The following LTBR variants were observed in gnomAD, a reference collection of about 807,000 sequenced individuals.
The protein encoded by LTBR is tumor necrosis factor receptor superfamily member 3.
A neutral mutation model predicts 45.4 loss-of-function variants in LTBR; 15 were observed. The observed-to-expected ratio is 0.33, with a 90% CI of 0.22 to 0.51. LTBR has a LOEUF of 0.51. Among genes scored for constraint, LTBR ranks in the 20% least tolerant of loss-of-function variants. The pLI is 0.97. For synonymous variants in LTBR, 228 were observed against 231.0 expected, an observed-to-expected ratio of 0.99 and a Z score of 0.12; for missense variants, 450 against 565.5, an observed-to-expected ratio of 0.80 and a Z score of 2.07.
At chr12:6,377,320 A>C (rs919120739) in intron 1 of LTBR, 48 of 1,457,504 alleles carry the variant, frequency 3.3e-5, no homozygotes, top group Non-Finnish European at 7.5e-6. Flanking sequence ...CCTAATGAAG[A>C]AACTGACCCT....
chr12:6,391,048 G>T lies in LTBR; in HGVS notation c.*111G>T. The T allele has an allele frequency of 1.7e-6, 2 of 1,183,558 alleles. No individual in the cohort carries two copies. Among genetic ancestry groups the T allele is most frequent in the Non-Finnish European group, 2.3e-6 (2 of 872,748 alleles). 73.3% of individuals were successfully genotyped at this position (1,183,558 alleles called of 1,614,324 possible). A position where few individuals can be genotyped will look rare whatever the true frequency, so the allele number is the denominator to read the frequency against. On this transcript the variant is annotated 3_prime_UTR_variant, in exon 10 of 10. Transcript: ENST00000228918. ...CCTGAGTAGGGCCCGGGGAAGCAGA[G>T]CCCTAAGGGATTAAGGCTCAGACAC... is the stretch of plus-strand genomic sequence containing the variant.
chr12:6,383,674 G>A (rs1013674594), upstream of LTBR, among the ~76,000 whole-genome samples: 1 of 152,196 alleles, frequency 6.6e-6, no homozygotes, highest in African/African-American at 2.4e-5. Flanking sequence ...TGGCTGATTT[G>A]CTAGTCCCTT....
rs1416474147 is a variant in LTBR, at chr12:6,390,316, G to A, written c.1006G>A (p.Gly336Arg). ...GACCAGGGAGCCGCAGTTGGAACCC[G>A]GGGAGCAGAGCCAGGTGGCCCACGG... The part of the protein sequence containing the change: ...DLTREPQLEP[G>R]EQSQVAHGTN... The change falls in exon 9 of 10, where the codon GGG (glycine) becomes AGG (arginine). Residue 336 changes from glycine to arginine, a missense_variant. Physicochemically the swap from Gly to Arg is moderately radical, Grantham distance 125. Transcript: ENST00000228918. The A allele has an allele frequency of 5.0e-6, 8 of 1,608,296 alleles. No homozygotes were observed. Among genetic ancestry groups the A allele is most frequent in the Non-Finnish European group, 5.1e-6 (6 of 1,176,616 alleles).
chr12:6,375,612 A>C, intron 1 of LTBR: 1 of 781,776 alleles, frequency 1.3e-6, no homozygotes, highest in Non-Finnish European at 2.0e-6. Context: ...GGGCGGGGGG[A>C]GGGGCTGAGG....
At chr12:6,378,605 C>T (rs1948944057) in intron 1 of LTBR, among the ~76,000 whole-genome samples, 1 of 152,134 alleles carries the variant, frequency 6.6e-6, no homozygotes, top group Admixed American at 6.6e-5. Flanking sequence ...TGCATCTAGC[C>T]CCCTGCTTCA....
At chr12:6,387,751 C>A in intron 6 of LTBR, 1 of 391,514 alleles carries the variant, frequency 2.6e-6, no homozygotes, top group Non-Finnish European at 5.2e-6. Context: ...CTACAGATCA[C>A]AGCTGGAGAA....
chr12:6,386,511 A>T lies in LTBR; in HGVS notation c.667+67A>T, dbSNP rs1461727527. Reference sequence around the variant, plus strand: ...AAAATGCCTTAATGCTCCACATCTTAAAAAAAATGGGGAAAAGATGAACAC... The same window carrying T: ...AAAATGCCTTAATGCTCCACATCTTTAAAAAAATGGGGAAAAGATGAACAC... On this transcript the variant is annotated intron_variant, in intron 6 of 9. Transcript: ENST00000228918. The surrounding 1 kb of genome is among the most constrained non-coding windows in gnomAD (Gnocchi z 4.1). 17 of 1,188,268 alleles carry T rather than the reference A, an allele frequency of 1.4e-5. No homozygotes were observed. Among genetic ancestry groups the T allele is most frequent in the South Asian group, 1.1e-4 (8 of 75,470 alleles). 73.6% of individuals were successfully genotyped at this position (1,188,268 alleles called of 1,614,324 possible).
Position 6,388,759 on chromosome 12 carries a change from GC to G in LTBR, c.776-39del, listed in dbSNP as rs1307664989. 6.2e-7 allele frequency: 1 copy of G among 1,613,706 alleles called. No homozygotes were observed. Among genetic ancestry groups the G allele is most frequent in the South Asian group, 1.1e-5 (1 of 91,036 alleles). On this transcript the variant is annotated intron_variant, in intron 7 of 9. Coordinates refer to ENST00000228918, the MANE Select transcript of LTBR (RefSeq NM_002342.3). The surrounding 1 kb of genome is among the most constrained non-coding windows in gnomAD (Gnocchi z 4.3). ...TGGAGGCTGAAAGGCTAGGTCTGAG[GC>G]CTGCCGGGGAGCCTACACCCATTTC...
Position 6,388,860 on chromosome 12 carries a change from G to A in LTBR, c.801+35G>A. On this transcript the variant is annotated intron_variant, in intron 8 of 9. Coordinates refer to ENST00000228918, the MANE Select transcript of LTBR (RefSeq NM_002342.3). The surrounding 1 kb of genome is among the most constrained non-coding windows in gnomAD (Gnocchi z 4.3). Reference sequence around the variant, plus strand: ...GGGGCTGAGAAGGCAGCAAGAAGGGGAAGAGGTGATGAGGGTACAAGGTGG... The same window carrying A: ...GGGGCTGAGAAGGCAGCAAGAAGGGAAAGAGGTGATGAGGGTACAAGGTGG... 3 of 1,613,648 alleles carry A rather than the reference G, an allele frequency of 1.9e-6. No individual in the cohort carries two copies. Among genetic ancestry groups the A allele is most frequent in the Non-Finnish European group, 2.5e-6 (3 of 1,179,784 alleles).
chr12:6,390,183 A>T lies in LTBR; in HGVS notation c.873A>T (p.Val291=). The change falls in exon 9 of 10, where the codon GTA becomes GTT. Residue 291 remains valine (V), a synonymous_variant. Transcript: ENST00000228918. ...CCCATCCATACTTCCCTGACTTGGT[A>T]CAGCCACTGCTACCCATTTCTGGAG... ...PKAHPYFPDL[V]QPLLPISGDV... 1 of 1,614,090 alleles carries T rather than the reference A, an allele frequency of 6.2e-7. No homozygotes were observed. The highest frequency in any genetic ancestry group is 1.1e-5 in the South Asian group (1 of 91,074).
In LTBR at chr12:6,390,234, C is replaced by T. The variant is rs770323197; in HGVS notation, c.924C>T (p.Leu308=). ...ATGTTTCCCCAGTATCCACTGGGCT[C>T]CCCGCAGCCCCAGTTTTGGAGGCAG... ...SGDVSPVSTG[L]PAAPVLEAGV... is the part of the protein sequence containing the mutation. Residue 308 remains leucine, a synonymous_variant, in exon 9 of 10, where the codon CTC becomes CTT. Coordinates refer to ENST00000228918, the MANE Select transcript of LTBR (RefSeq NM_002342.3). The T allele has an allele frequency of 1.2e-6, 2 of 1,613,938 alleles. No homozygotes were observed. Among genetic ancestry groups the T allele is most frequent in the Admixed American group, 1.7e-5 (1 of 60,014 alleles).
At chr12:6,380,948 C>A (rs1490013672), upstream of LTBR, among the ~76,000 whole-genome samples, 2 of 152,144 alleles carry the variant, frequency 1.3e-5, no homozygotes, top group African/African-American at 2.4e-5. Context: ...CAATGCCCTG[C>A]CCGCGGTGAA....
At chr12:6,376,752 G>C (rs1245446150) in intron 1 of LTBR, among the ~76,000 whole-genome samples, 2 of 152,110 alleles carry the variant, frequency 1.3e-5, no homozygotes, top group Non-Finnish European at 2.9e-5. Context: ...CCTGCACGCG[G>C]CAGGGAAGGC....
At position 6,388,328 on chromosome 12, in the gene LTBR, C is replaced by G; in HGVS notation, c.668-70C>G. On this transcript the variant is annotated intron_variant, in intron 6 of 9. Transcript: ENST00000228918. The surrounding 1 kb of genome is among the most constrained non-coding windows in gnomAD (Gnocchi z 4.3). ...CTGGGTTGCCCAGGGATCTGGAAAG[C>G]TCTTCCTTCTCCTCCTCCCCTCTGC... 3.4e-6 allele frequency: 4 copies of G among 1,180,276 alleles called. No homozygotes were observed. The highest frequency in any genetic ancestry group is 1.5e-5 in the African/African-American group (1 of 66,650). The allele number at this position is 1,180,276 out of a possible 1,614,324, so 73.1% of individuals were successfully genotyped here.
chr12:6,384,213 G>C lies in LTBR; in HGVS notation c.-146G>C, dbSNP rs1592097422. On this transcript the variant is annotated 5_prime_UTR_variant, in exon 1 of 10. Transcript: ENST00000228918. ...GGAGCCCTGGAGGCCCGGCCTGGCC[G>C]CTCCCGGCCCTGGGGTGCACATCGG... is the stretch of plus-strand genomic sequence containing the variant. 8 of 1,317,670 alleles carry C rather than the reference G, an allele frequency of 6.1e-6. No homozygotes were observed. In the East Asian group the frequency reaches 2.4e-4, roughly 40 times the overall value. 81.6% of individuals were successfully genotyped at this position (1,317,670 alleles called of 1,614,324 possible). A position where few individuals can be genotyped will look rare whatever the true frequency, so the allele number is the denominator to read the frequency against.
At position 6,388,697 on chromosome 12, in the gene LTBR, C is replaced by G. The variant is rs1949076650; in HGVS notation, c.776-103C>G. ...TGACAGTGGCTTGTTCCTCTGGGCC[C>G]CCGGGTGGTCAAGTTGCTACACATT... On this transcript the variant is annotated intron_variant, in intron 7 of 9. Transcript: ENST00000228918. This position sits in a 1 kb window ranked among gnomAD's most constrained non-coding sequence, Gnocchi z 4.3. 4.2e-6 allele frequency: 6 copies of G among 1,428,718 alleles called. No homozygotes were observed. The South Asian group carries it at 5.8e-5, about 14-fold the overall frequency. 88.5% of individuals were successfully genotyped at this position (1,428,718 alleles called of 1,614,324 possible).
In LTBR at chr12:6,390,152, C is replaced by T. The variant is rs757842062; in HGVS notation, c.842C>T (p.Pro281Leu). Residue 281 changes from proline to leucine, a missense_variant, in exon 9 of 10, where the codon CCG becomes CTG. Pro to Leu is a moderately conservative substitution (Grantham distance 98, BLOSUM62 -3). Around this residue, in one of 3 missense-constraint regions of LTBR, gnomAD observed 367 missense variants for 435.4 expected, o/e 0.84. Transcript: ENST00000228918. ...PNPVAGSWEP[P>L]KAHPYFPDLV... ...CCTGTAGCTGGAAGCTGGGAGCCTC[C>T]GAAGGCCCATCCATACTTCCCTGAC... 5.0e-6 allele frequency: 8 copies of T among 1,613,976 alleles called. No individual in the cohort carries two copies. Among genetic ancestry groups the T allele is most frequent in the South Asian group, 3.3e-5 (3 of 91,068 alleles).
intron 3 of LTBR, 34 bp downstream of exon 3, chr12:6,385,181 C>G: frequency 6.2e-7 from 1 of 1,614,154 alleles, no homozygotes; most frequent in South Asian, 1.1e-5. Context: ...GGGGCTGGAT[C>G]CCCTGGAGCT....
chr12:6,376,341 C>G (rs1948908833), intron 1 of LTBR: 1 of 211,386 alleles, frequency 4.7e-6, no homozygotes, highest in Non-Finnish European at 8.2e-6. Context: ...CTTTTTTACA[C>G]TGTTGGCTGC....
Sources: allele counts gnomAD v4.1 joint callset (sites outside exome capture counted in the v4.1 genomes callset), GRCh38; gene constraint gnomAD v4.1.1; regional missense constraint gnomAD v4.1.1; non-coding constraint Gnocchi (gnomAD v3.1); transcripts MANE v1.5; gene names NCBI Gene and HGNC (gene_info 2026-07-23, HGNC 2026-07-21).